ARID3C: variants seen among roughly 807,000 people sequenced by gnomAD.
The protein encoded by ARID3C is AT-rich interactive domain-containing protein 3C.
Under a neutral mutation model 37.9 loss-of-function variants are expected in ARID3C, and 42 were observed. The observed-to-expected ratio is 1.11, with a 90% CI of 0.87 to 1.43. ARID3C has a LOEUF of 1.43. Among genes scored for constraint, ARID3C ranks in the 40% most tolerant of loss-of-function variants. ARID3C has a pLI of 0.00. For synonymous variants in ARID3C, 213 were observed against 228.0 expected, an observed-to-expected ratio of 0.93 and a Z score of 0.59; for missense variants, 581 against 548.8, an observed-to-expected ratio of 1.06 and a Z score of -0.59.
At position 34,621,460 on chromosome 9, in the gene ARID3C, AG is replaced by A; in HGVS notation, c.1236del (p.Ter413GlufsTer?). 1 of 1,516,356 alleles carries A rather than the reference AG, an allele frequency of 6.6e-7. No individual in the cohort carries two copies. 93.9% of individuals were successfully genotyped at this position (1,516,356 alleles called of 1,614,324 possible). On this transcript the variant is annotated frameshift_variant, in exon 7 of 7. Transcript: ENST00000378909. LOFTEE classifies it high-confidence loss of function. ...CTCTTAGTTTCAAGTAGGACCTCTC[AG>A]GGCAAGATGCTGGAAGGGGGCCCTG...
chr9:34,622,237 G>GTTGTCTACAGA lies in ARID3C; in HGVS notation c.1048+99_1048+109dup. 1.9e-6 allele frequency: 3 copies of GTTGTCTACAGA among 1,566,874 alleles called. No individual in the cohort carries two copies. The South Asian group carries it at 3.5e-5, about 18-fold the overall frequency. On this transcript the variant is annotated intron_variant, in intron 5 of 6. Coordinates refer to ENST00000378909, the Ensembl canonical transcript of ARID3C. ...TCAGCCCCACACCTATACTCACACA[G>GTTGTCTACAGA]TTGTCTACAGAGGAATCTGTCTGCC... is the stretch of plus-strand genomic sequence containing the variant.
chr9:34,627,785 C>T (rs1053346797), exon 1 of ARID3C: 36 of 1,613,942 alleles, frequency 2.2e-5, no homozygotes, highest in African/African-American at 4.0e-5. Context: ...GGCCCCTGGA[C>T]GGCTCTCCTC....
chr9:34,630,400 C>T (rs1233452056), upstream of ARID3C, among the ~76,000 whole-genome samples: 1 of 152,158 alleles, frequency 6.6e-6, no homozygotes, highest in African/African-American at 2.4e-5. Flanking sequence ...GGACCACTTA[C>T]CAAACAGAGG....
rs112148816 is a variant in ARID3C, at chr9:34,623,173, A to G, written c.865+252T>C. Reference sequence around the variant, plus strand: ...AAAAAAAAAAAAAAAAGAAAAAAAGAAAAAAAAGGACCTTTTCCTGAACTT... The same window carrying G: ...AAAAAAAAAAAAAAAAGAAAAAAAGGAAAAAAAGGACCTTTTCCTGAACTT... On this transcript the variant is annotated intron_variant, in intron 4 of 6. Coordinates refer to ENST00000378909, the Ensembl canonical transcript of ARID3C. Among the ~76,000 whole-genome samples the G allele has an allele frequency of 3.1e-3, 463 of 150,542 alleles. 2 individuals carry two copies. Among genetic ancestry groups the G allele is most frequent in the Non-Finnish European group, 5.6e-3 (377 of 67,668 alleles).
At chr9:34,632,320 T>A (rs1820729630), upstream of ARID3C, among the ~76,000 whole-genome samples, 1 of 151,996 alleles carries the variant, frequency 6.6e-6, no homozygotes, top group African/African-American at 2.4e-5. Context: ...TTGCTTGATG[T>A]GTTGGAAGAA....
chr9:34,628,990 T>C, upstream of ARID3C, among the ~76,000 whole-genome samples: 1 of 151,902 alleles, frequency 6.6e-6, no homozygotes, highest in South Asian at 2.1e-4. This position sits in a 1 kb window ranked among gnomAD's most constrained non-coding sequence, Gnocchi z 5.2. Flanking sequence ...CAGGCGGCCC[T>C]GGCCTCGGCT....
intron 2 of ARID3C, among the ~76,000 whole-genome samples, chr9:34,624,979 G>T (rs763462761): frequency 2.0e-5 from 3 of 152,026 alleles, no homozygotes; most frequent in Non-Finnish European, 4.4e-5. Flanking sequence ...CCCTACTGAG[G>T]GTCCCTGGGA....
At chr9:34,621,057 G>T (rs994162790), downstream of ARID3C, among the ~76,000 whole-genome samples, 1 of 152,162 alleles carries the variant, frequency 6.6e-6, no homozygotes, top group Non-Finnish European at 1.5e-5. Context: ...GAGAGGGAGG[G>T]ACCGCAGCTT....
At chr9:34,623,623 C>T (rs1393535263) in exon 4 of ARID3C, 2 of 1,605,802 alleles carry the variant, frequency 1.2e-6, no homozygotes, top group Non-Finnish European at 1.7e-6. Context: ...CGACGGCCCT[C>T]GCGCCGATTG....
intron 4 of ARID3C, among the ~76,000 whole-genome samples, 182 bp downstream of exon 5, chr9:34,623,243 G>C (rs975378434): frequency 4.6e-5 from 7 of 151,534 alleles, no homozygotes; most frequent in African/African-American, 1.7e-4. Flanking sequence ...CTCTCATTTG[G>C]CCGCAAACCT....
chr9:34,623,750 G>A, intron 3 of ARID3C, 36 bp from the exon 5 acceptor site: 1 of 1,503,408 alleles, frequency 6.7e-7, no homozygotes, highest in Non-Finnish European at 8.9e-7. Flanking sequence ...TGTATGGGAG[G>A]CTGCACCCAG....
At position 34,621,570 on chromosome 9, in the gene ARID3C, G is replaced by A. The variant is rs1045768194; in HGVS notation, c.1139-12C>T. 7.6e-6 allele frequency: 12 copies of A among 1,571,922 alleles called. No homozygotes were observed. Among genetic ancestry groups the A allele is most frequent in the Non-Finnish European group, 9.4e-6 (11 of 1,166,542 alleles). ...GGCAAAGAGGACACCTGGCAAAGGG[G>A]TGAGGAGATGGTAGAGGGCAAAAAC... On this transcript the variant is annotated splice_polypyrimidine_tract_variant and intron_variant, in intron 6 of 6. Transcript: ENST00000378909.
intron 5 of ARID3C, 107 bp downstream of exon 6, chr9:34,622,240 G>C: frequency 3.8e-6 from 6 of 1,564,310 alleles, no homozygotes; most frequent in Non-Finnish European, 5.2e-6. Flanking sequence ...TCACACAGTT[G>C]TCTACAGAGG....
upstream of ARID3C, among the ~76,000 whole-genome samples, chr9:34,630,443 A>G (rs1820712936): frequency 6.6e-6 from 1 of 152,196 alleles, no homozygotes; most frequent in Non-Finnish European, 1.5e-5. Context: ...TGTGTAAGTG[A>G]ACAGCAGGTG....
At chr9:34,628,235 C>T (rs1017665516), upstream of ARID3C, 1 of 539,612 alleles carries the variant, frequency 1.9e-6, no homozygotes, top group Admixed American at 3.6e-5. This position sits in a 1 kb window ranked among gnomAD's most constrained non-coding sequence, Gnocchi z 5.2. Context: ...GAAACAGGAC[C>T]AGACCCGGGG....
Position 34,627,742 on chromosome 9 carries a change from AG to A in ARID3C, c.272del (p.Pro91LeufsTer44), listed in dbSNP as rs1311009649. 1.2e-6 allele frequency: 2 copies of A among 1,613,076 alleles called. No individual in the cohort carries two copies. The highest frequency in any genetic ancestry group is 1.7e-6 in the Non-Finnish European group (2 of 1,179,832). Reference sequence around the variant, plus strand: ...AGGTCCACTCGTGGGGATGGAGTCCAGGGGGCTGGCTAGAAGGCGAGCTGGG... The same window carrying A: ...AGGTCCACTCGTGGGGATGGAGTCCAGGGGCTGGCTAGAAGGCGAGCTGGG... On this transcript the variant is annotated frameshift_variant, in exon 1 of 7. Coordinates refer to ENST00000378909, the Ensembl canonical transcript of ARID3C. LOFTEE classifies it high-confidence loss of function.
At chr9:34,629,094 C>A (rs1010529953), upstream of ARID3C, among the ~76,000 whole-genome samples, 489 of 152,160 alleles carry the variant, frequency 3.2e-3, 4 homozygotes, top group Non-Finnish European at 4.6e-3. Context: ...GGGCGGGACC[C>A]GAGCGGGGCA....
At chr9:34,626,466 A>G (rs1007031742) in intron 1 of ARID3C, among the ~76,000 whole-genome samples, 1 of 152,126 alleles carries the variant, frequency 6.6e-6, no homozygotes, top group Non-Finnish European at 1.5e-5. Flanking sequence ...CAGAGTTTAA[A>G]GGATCCACAG....
Position 34,628,070 on chromosome 9 carries a change from C to A in ARID3C, c.-56G>T. 1 of 1,441,900 alleles carries A rather than the reference C, an allele frequency of 6.9e-7. No homozygotes were observed. Among genetic ancestry groups the A allele is most frequent in the South Asian group, 1.5e-5 (1 of 67,804 alleles). The allele number at this position is 1,441,900 out of a possible 1,614,324, so 89.3% of individuals were successfully genotyped here. A position where few individuals can be genotyped will look rare whatever the true frequency, so the allele number is the denominator to read the frequency against. Reference sequence around the variant, plus strand: ...GGGGGTCCCTGGTACCAGGCGGGACCCCGAGGAAAGGGCCGCCTGTGGGGG... The same window carrying A: ...GGGGGTCCCTGGTACCAGGCGGGACACCGAGGAAAGGGCCGCCTGTGGGGG... On this transcript the variant is annotated 5_prime_UTR_variant, in exon 1 of 7. Transcript: ENST00000378909. The surrounding 1 kb of genome is among the most constrained non-coding windows in gnomAD (Gnocchi z 5.2).
Sources: gnomAD v4.1 joint callset for allele counts (sites outside exome capture counted in the v4.1 genomes callset) on GRCh38, gnomAD v4.1.1 for gene constraint, Gnocchi (gnomAD v3.1) non-coding constraint, MANE v1.5 for transcripts, NCBI Gene and HGNC (gene_info 2026-07-23, HGNC 2026-07-21) for gene names.